ZNF141: variants seen among roughly 807,000 people sequenced by gnomAD.
ZNF141 encodes the protein zinc finger protein 141 (clone pHZ-44).
ZNF141 carries 7 observed loss-of-function variants against 11.3 expected under a neutral mutation model. The ratio of observed to expected loss-of-function variants is 0.62; its 90% CI spans 0.35 to 1.16. The LOEUF (loss-of-function observed/expected upper bound fraction) is 1.16, where lower values mean the gene tolerates loss of function less well. Among genes scored for constraint, ZNF141 ranks in the 50% most tolerant of loss-of-function variants. The pLI is 0.02. For synonymous variants in ZNF141, 183 were observed against 190.7 expected (o/e 0.96, Z 0.33); for missense variants, 535 against 554.0 (o/e 0.97, Z 0.34).
At chr4:368,949 G>A (rs1711887412) in intron 3 of ZNF141, among the ~76,000 whole-genome samples, 1 of 152,146 alleles carries the variant, frequency 6.6e-6, no homozygotes, top group South Asian at 2.1e-4. Flanking sequence ...TCTGGAGATT[G>A]CATTAAGGAA....
chr4:350,268 C>T, intron 3 of ZNF141: 1 of 528,094 alleles, frequency 1.9e-6, no homozygotes, highest in Non-Finnish European at 3.9e-6. Flanking sequence ...CCCTCGATCT[C>T]TGGCTCCACT....
Position 372,742 on chromosome 4 carries a change from G to T in ZNF141, c.305G>T (p.Arg102Ile), listed in dbSNP as rs1268510082. The stretch of plus-strand genomic sequence containing the variant: ...TCATTCCACAAACTTATACTGAGAA[G>T]ATATGAGAAATGTGGACATGATAAT... ...EDSFHKLILR[R>I]YEKCGHDNLQ... The change falls in exon 4 of 4, where the codon AGA becomes ATA. Residue 102 changes from arginine (R) to isoleucine (I), a missense_variant. Transcript: ENST00000240499. The T allele has an allele frequency of 1.5e-5, 24 of 1,613,346 alleles. No homozygotes were observed. The highest frequency in any genetic ancestry group is 1.8e-5 in the Non-Finnish European group (21 of 1,179,624).
At position 343,681 on chromosome 4, in the gene ZNF141, C is replaced by T. The variant is rs529293301; in HGVS notation, c.4-101C>T. The stretch of plus-strand genomic sequence containing the variant: ...CGGAGCTTGCAGTGAGCCGAGACTG[C>T]GCCGCTGCACTCCAGCCTGGGTGAC... On this transcript the variant is annotated intron_variant, in intron 1 of 3. Coordinates refer to ENST00000240499, the MANE Select transcript of ZNF141 (RefSeq NM_003441.4). The T allele has an allele frequency of 4.2e-5, 55 of 1,294,784 alleles. No individual in the cohort carries two copies. In the East Asian group the frequency reaches 1.0e-3, roughly 24 times the overall value. 80.2% of individuals were successfully genotyped at this position (1,294,784 alleles called of 1,614,324 possible). A position where few individuals can be genotyped will look rare whatever the true frequency, so the allele number is the denominator to read the frequency against.
rs1712809700 is a variant in ZNF141 at position 384,278 on chromosome 4, C to T, written c.*10416C>T. 6.6e-6 allele frequency: 1 copy of T among 152,218 alleles called. No homozygotes were observed. 9.4% of individuals were successfully genotyped at this position (152,218 alleles called of 1,614,324 possible). ...AGGAGATCTGAAGACATGGTGCTCTCTCTTCCTGTGGACCCATCATTCCTT... is the reference window on the plus strand; with the variant it reads ...AGGAGATCTGAAGACATGGTGCTCTTTCTTCCTGTGGACCCATCATTCCTT... On this transcript the variant is annotated 3_prime_UTR_variant, in exon 4 of 4. Transcript: ENST00000240499.
chr4:373,394 C>T lies in ZNF141; in HGVS notation c.957C>T (p.Ala319=), dbSNP rs1553853955. The change falls in exon 4 of 4, where the codon GCC becomes GCT. Residue 319 remains alanine (A), a synonymous_variant. Transcript: ENST00000240499. ...KPYKCEECGK[A]FNRSTTLTKH... ...ACAAATGTGAAGAATGTGGCAAAGC[C>T]TTTAATAGGTCCACAACCCTTACTA... is the stretch of plus-strand genomic sequence containing the variant. 6.2e-7 allele frequency: 1 copy of T among 1,613,742 alleles called. No homozygotes were observed. The highest frequency in any genetic ancestry group is 8.5e-7 in the Non-Finnish European group (1 of 1,179,908).
In ZNF141 at chr4:353,932, C is replaced by G. The variant is rs1553850874; in HGVS notation, c.226+9502C>G. Among the ~76,000 whole-genome samples, 3 of 152,206 alleles carry G rather than the reference C, an allele frequency of 2.0e-5. No homozygotes were observed. The East Asian group carries it at 5.8e-4, about 29-fold the overall frequency. ...CTCATTCACACACATGCACGCTAAG[C>G]AATGGTATGGCCGTGCTTCTCTCAT... On this transcript the variant is annotated intron_variant, in intron 3 of 3. Transcript: ENST00000240499.
At chr4:351,691 C>A (rs782516136) in intron 3 of ZNF141, among the ~76,000 whole-genome samples, 1 of 152,104 alleles carries the variant, frequency 6.6e-6, no homozygotes, top group South Asian at 2.1e-4. Flanking sequence ...ACTGGGAATC[C>A]GAGACCTAAG....
intron 1 of ZNF141, among the ~76,000 whole-genome samples, chr4:342,258 T>C (rs1034135030): frequency 3.3e-5 from 5 of 152,190 alleles, no homozygotes; most frequent in Admixed American, 1.3e-4. Context: ...CCCATAAAGA[T>C]GGCATTAATG....
chr4:367,127 C>G (rs544015863), intron 3 of ZNF141, among the ~76,000 whole-genome samples: 3 of 151,590 alleles, frequency 2.0e-5, no homozygotes, highest in African/African-American at 7.3e-5. Flanking sequence ...GAGCAGAAAT[C>G]TTCTTTTTTT....
Position 383,135 on chromosome 4 carries a change from C to A in ZNF141, c.*9273C>A, listed in dbSNP as rs1285428252. Reference sequence around the variant, plus strand: ...ATGACAACAAGCCCATTTTAGCTTTCTGGAGAATAGCATCTGAGAAAAGCC... The same window carrying A: ...ATGACAACAAGCCCATTTTAGCTTTATGGAGAATAGCATCTGAGAAAAGCC... On this transcript the variant is annotated 3_prime_UTR_variant, in exon 4 of 4. Coordinates refer to ENST00000240499, the MANE Select transcript of ZNF141 (RefSeq NM_003441.4). 4.3e-6 allele frequency: 3 copies of A among 701,480 alleles called. No homozygotes were observed. The African/African-American group carries it at 5.3e-5, about 12-fold the overall frequency. The allele number at this position is 701,480 out of a possible 1,614,324, so 43.5% of individuals were successfully genotyped here.
At chr4:342,064 T>C (rs1384926515) in intron 1 of ZNF141, among the ~76,000 whole-genome samples, 4 of 152,202 alleles carry the variant, frequency 2.6e-5, no homozygotes, top group Admixed American at 6.5e-5. Flanking sequence ...GCTATTATTC[T>C]ATACATTTTT....
At chr4:338,997 G>A (rs1286307287) in intron 1 of ZNF141, among the ~76,000 whole-genome samples, 7 of 152,214 alleles carry the variant, frequency 4.6e-5, no homozygotes, top group African/African-American at 1.7e-4. Flanking sequence ...AGAGGGCGCT[G>A]AGAACTTGGA....
Position 370,836 on chromosome 4 carries a change from T to C in ZNF141, c.227-1828T>C, listed in dbSNP as rs28898396. ...AGCTCCGCCTCCCAGGTTCACACCA[T>C]TCTCCTGCCTCAGCCTCCCGCATAG... On this transcript the variant is annotated intron_variant, in intron 3 of 3. Transcript: ENST00000240499. Among the ~76,000 whole-genome samples the C allele has an allele frequency of 9.0e-3, 1,366 of 152,188 alleles. 17 individuals carry two copies. The highest frequency in any genetic ancestry group is 0.031 in the African/African-American group (1,301 of 41,544).
intron 3 of ZNF141, among the ~76,000 whole-genome samples, chr4:372,301 T>G (rs879995345): frequency 3.9e-5 from 6 of 152,238 alleles, no homozygotes; most frequent in Admixed American, 3.9e-4. Flanking sequence ...TATCAGTATT[T>G]TTCTTCTCTT....
In ZNF141 at chr4:347,465, G is replaced by A. The variant is rs186986991; in HGVS notation, c.226+3035G>A. On this transcript the variant is annotated intron_variant, in intron 3 of 3. Coordinates refer to ENST00000240499, the MANE Select transcript of ZNF141 (RefSeq NM_003441.4). The stretch of plus-strand genomic sequence containing the variant: ...CGCCATTCTCCTGCCTCAGCCTCCC[G>A]AGTAGCTGGGACTACAGGCGCCTTC... 1.6e-4 allele frequency among the ~76,000 whole-genome samples: 24 copies of A among 150,380 alleles called. No homozygotes were observed. The East Asian group carries it at 3.6e-3, about 22-fold the overall frequency.
Position 366,382 on chromosome 4 carries a change from C to T in ZNF141, c.227-6282C>T, listed in dbSNP as rs541828398. 2.0e-5 allele frequency among the ~76,000 whole-genome samples: 3 copies of T among 152,320 alleles called. No individual in the cohort carries two copies. In the South Asian group the frequency reaches 6.2e-4, roughly 32 times the overall value. On this transcript the variant is annotated intron_variant, in intron 3 of 3. Coordinates refer to ENST00000240499, the MANE Select transcript of ZNF141 (RefSeq NM_003441.4). ...GGAGTGCAATGGCACAATATCAGTG[C>T]ACCACAACCTCTGCCTCCTGGGTTC... is the stretch of plus-strand genomic sequence containing the variant.
intron 3 of ZNF141, among the ~76,000 whole-genome samples, chr4:371,798 C>A (rs1046348828): frequency 6.6e-6 from 1 of 152,078 alleles, no homozygotes; most frequent in East Asian, 1.9e-4. Flanking sequence ...CCTCAGCCTC[C>A]CAAAGTGCTG....
chr4:366,110 T>C (rs1581617108), intron 3 of ZNF141, among the ~76,000 whole-genome samples: 2 of 152,162 alleles, frequency 1.3e-5, no homozygotes, highest in Admixed American at 1.3e-4. Flanking sequence ...CCTTTGCTAT[T>C]TGGGGGTCTT....
At chr4:363,961 GT>G (rs1711603160) in intron 3 of ZNF141, among the ~76,000 whole-genome samples, 1 of 152,098 alleles carries the variant, frequency 6.6e-6, no homozygotes, top group Non-Finnish European at 1.5e-5. Context: ...TGTGGTTTTT[GT>G]TGATGGTTCT....
Sources: gnomAD v4.1 joint callset for allele counts (sites outside exome capture counted in the v4.1 genomes callset) on GRCh38, gnomAD v4.1.1 for gene constraint, MANE v1.5 for transcripts, NCBI Gene and HGNC (gene_info 2026-07-23, HGNC 2026-07-21) for gene names.